SLC23A2: variants seen among roughly 807,000 people sequenced by gnomAD.
SLC23A2 encodes the protein solute carrier family 23 member 2.
In SLC23A2, 36 loss-of-function variants were observed where a neutral mutation model predicts 73.3. That is an observed-to-expected ratio of 0.49 (90% CI 0.38 to 0.65). SLC23A2 has a LOEUF of 0.65. Among genes scored for constraint, SLC23A2 ranks in the 30% least tolerant of loss-of-function variants. SLC23A2 has a pLI of 0.00. For synonymous variants in SLC23A2, 343 were observed against 327.3 expected (o/e 1.05, Z -0.52); for missense variants, 507 against 841.6 (o/e 0.60, Z 4.92).
intron 9 of SLC23A2, among the ~76,000 whole-genome samples, chr20:4,882,407 T>G (rs929168438): frequency 5.9e-5 from 9 of 152,012 alleles, no homozygotes; most frequent in Non-Finnish European, 8.8e-5. Context: ...AGCATGATGA[T>G]GGGTATTCAT....
chr20:4,911,905 A>G (rs1932163677), intron 4 of SLC23A2, among the ~76,000 whole-genome samples: 1 of 152,068 alleles, frequency 6.6e-6, no homozygotes, highest in Non-Finnish European at 1.5e-5. Flanking sequence ...GTACAGAAGC[A>G]TGATCTTAGC....
chr20:4,996,186 G>C (rs1202139133), intron 1 of SLC23A2, among the ~76,000 whole-genome samples: 1 of 152,064 alleles, frequency 6.6e-6, no homozygotes, highest in African/African-American at 2.4e-5. Flanking sequence ...TGTCTTTCTA[G>C]GGTCCCTTCT....
intron 2 of SLC23A2, among the ~76,000 whole-genome samples, chr20:4,935,712 T>C (rs946659065): frequency 1.2e-4 from 18 of 151,940 alleles, no homozygotes; most frequent in African/African-American, 3.4e-4. Context: ...GGCAGGAGAA[T>C]GGCGTGAACC....
chr20:4,962,491 C>T (rs2087409181), intron 2 of SLC23A2, among the ~76,000 whole-genome samples: 1 of 152,246 alleles, frequency 6.6e-6, no homozygotes, highest in African/African-American at 2.4e-5. Flanking sequence ...TGTAGACACA[C>T]TCCCAGCTCA....
intron 9 of SLC23A2, among the ~76,000 whole-genome samples, chr20:4,875,544 C>T (rs953178486): frequency 1.3e-5 from 2 of 152,158 alleles, no homozygotes; most frequent in Admixed American, 6.5e-5. Context: ...GGCTGGGCTG[C>T]GTAAGTCCCT....
At chr20:4,867,359 C>G (rs1475533425) in intron 13 of SLC23A2, among the ~76,000 whole-genome samples, 2 of 152,306 alleles carry the variant, frequency 1.3e-5, no homozygotes, top group East Asian at 3.9e-4. Flanking sequence ...CACCCTCTCC[C>G]CAAGCTTCCT....
At chr20:4,893,813 G>A (rs992134143) in intron 6 of SLC23A2, among the ~76,000 whole-genome samples, 1 of 152,188 alleles carries the variant, frequency 6.6e-6, no homozygotes, top group African/African-American at 2.4e-5. Flanking sequence ...CTTTCATTTT[G>A]CTGGAGAGGT....
At chr20:4,932,364 A>G in intron 3 of SLC23A2, 91 bp downstream of exon 3, 1 of 810,280 alleles carries the variant, frequency 1.2e-6, no homozygotes, top group South Asian at 1.4e-5. Flanking sequence ...ACCTTCACTG[A>G]AAACATGAGC....
In SLC23A2 at chr20:4,871,410, G is replaced by A. The variant is rs1930442300; in HGVS notation, c.1103-1357C>T. Among the ~76,000 whole-genome samples, 3 of 152,270 alleles carry A rather than the reference G, an allele frequency of 2.0e-5. No homozygotes were observed. The South Asian group carries it at 6.2e-4, about 32-fold the overall frequency. Reference sequence around the variant, plus strand: ...GGAGGTGCCCCTCCAGGGATCGGGAGGGTCTGGAGGGTGGGGTTTGAGGGT... The same window carrying A: ...GGAGGTGCCCCTCCAGGGATCGGGAAGGTCTGGAGGGTGGGGTTTGAGGGT... On this transcript the variant is annotated intron_variant, in intron 11 of 16. Transcript: ENST00000338244.
rs183656233 is a variant in SLC23A2 at position 4,876,516 on chromosome 20, G to A, written c.825-1820C>T. On this transcript the variant is annotated intron_variant, in intron 9 of 16. Transcript: ENST00000338244. ...TGTGACAGAGAGGCAGCAGCTTAGA[G>A]GTGCAGACCCGCCCATGTCCACACA... Among the ~76,000 whole-genome samples the A allele has an allele frequency of 2.2e-3, 339 of 152,308 alleles. 1 individual carries two copies. The highest frequency in any genetic ancestry group is 2.5e-3 in the Non-Finnish European group (171 of 68,028).
At chr20:4,874,339 T>C (rs1930571939) in intron 10 of SLC23A2, among the ~76,000 whole-genome samples, 1 of 152,152 alleles carries the variant, frequency 6.6e-6, no homozygotes, top group Admixed American at 6.5e-5. Context: ...TGGAGTCAAA[T>C]CTTACTCAGT....
intron 16 of SLC23A2, 37 bp downstream of exon 16, chr20:4,859,244 TAAAAAATA>T: frequency 9.0e-7 from 1 of 1,115,498 alleles, no homozygotes. Flanking sequence ...ACACATATGT[TAAAAAATA>T]AAAAAAAAAA....
chr20:4,985,136 C>CAAAA (rs56246524), intron 1 of SLC23A2, among the ~76,000 whole-genome samples: 2 of 104,020 alleles, frequency 1.9e-5, no homozygotes, highest in South Asian at 2.9e-4. Flanking sequence ...ACTCCGTCTC[C>CAAAA]AAAAAAAAAA....
chr20:4,864,255 C>A (rs1450567737), intron 13 of SLC23A2, among the ~76,000 whole-genome samples: 3 of 152,192 alleles, frequency 2.0e-5, no homozygotes, highest in African/African-American at 4.8e-5. Flanking sequence ...AAACGCAATT[C>A]CTCACGTACA....
intron 3 of SLC23A2, among the ~76,000 whole-genome samples, chr20:4,919,640 T>G (rs945581169): frequency 1.3e-5 from 2 of 152,174 alleles, no homozygotes; most frequent in African/African-American, 2.4e-5. Flanking sequence ...GGCACTAGGT[T>G]GGGCACTTCA....
intron 2 of SLC23A2, among the ~76,000 whole-genome samples, chr20:4,964,029 T>C (rs1487300833): frequency 6.7e-6 from 1 of 149,620 alleles, no homozygotes; most frequent in Non-Finnish European, 1.5e-5. Flanking sequence ...TTTTTTGAGA[T>C]AGGGTCTCAC....
At chr20:4,984,709 T>C (rs1458089009) in intron 1 of SLC23A2, among the ~76,000 whole-genome samples, 1 of 152,066 alleles carries the variant, frequency 6.6e-6, no homozygotes, top group Admixed American at 6.6e-5. Context: ...CCAAAACCAC[T>C]GCACACCCAT....
intron 6 of SLC23A2, among the ~76,000 whole-genome samples, chr20:4,888,640 C>A (rs1931196711): frequency 6.6e-6 from 1 of 152,202 alleles, no homozygotes; most frequent in African/African-American, 2.4e-5. Flanking sequence ...CCCAGGTAAC[C>A]TGAACCCCAC....
chr20:4,915,338 T>A (rs938034713), intron 3 of SLC23A2, among the ~76,000 whole-genome samples: 5 of 152,316 alleles, frequency 3.3e-5, no homozygotes, highest in Non-Finnish European at 4.4e-5. Flanking sequence ...ACTGCTTTTT[T>A]AAAAATGGAT....
Sources: gnomAD v4.1 joint callset for allele counts (sites outside exome capture counted in the v4.1 genomes callset) on GRCh38, gnomAD v4.1.1 for gene constraint, MANE v1.5 for transcripts, NCBI Gene and HGNC (gene_info 2026-07-23, HGNC 2026-07-21) for gene names.